The following ABTB2 variants were observed in gnomAD, a reference collection of about 807,000 sequenced individuals.
The protein encoded by ABTB2 is ankyrin repeat and BTB/POZ domain-containing protein 2.
ABTB2 carries 56 observed loss-of-function variants against 104.1 expected under a neutral mutation model. The observed-to-expected ratio is 0.54, with a 90% confidence interval of 0.43 to 0.67. The LOEUF (loss-of-function observed/expected upper bound fraction) is 0.67. ABTB2 is among the 30% of genes least tolerant of loss of function. The pLI, the probability that ABTB2 is intolerant of heterozygous loss-of-function variation, is 0.00. For synonymous variants in ABTB2, 606 were observed against 608.2 expected (o/e 1.00, Z 0.05); for missense variants, 1,279 against 1,407.7 (o/e 0.91, Z 1.46).
intron 1 of ABTB2, among the ~76,000 whole-genome samples, chr11:34,238,947 G>C (rs1853879631): frequency 6.6e-6 from 1 of 152,104 alleles, no homozygotes; most frequent in Non-Finnish European, 1.5e-5. Context: ...TAGAGACGGG[G>C]TTTCACCATG....
At chr11:34,170,592 C>T (rs1426873553) in intron 5 of ABTB2, among the ~76,000 whole-genome samples, 1 of 152,214 alleles carries the variant, frequency 6.6e-6, no homozygotes, top group Non-Finnish European at 1.5e-5. Context: ...ACAGGGTTAG[C>T]GATCGTGTCC....
intron 1 of ABTB2, among the ~76,000 whole-genome samples, chr11:34,339,970 G>A (rs1855242297): frequency 1.3e-5 from 2 of 152,012 alleles, no homozygotes; most frequent in South Asian, 4.1e-4. Context: ...TCACCATGTG[G>A]GGTACCAGAA....
chr11:34,221,246 T>A (rs112165702), intron 1 of ABTB2, among the ~76,000 whole-genome samples: 12 of 152,236 alleles, frequency 7.9e-5, no homozygotes, highest in African/African-American at 2.9e-4. Context: ...GCTGGGATTA[T>A]AGGCGTGAGC....
chr11:34,287,027 C>T (rs1854513775), intron 1 of ABTB2, among the ~76,000 whole-genome samples: 1 of 151,994 alleles, frequency 6.6e-6, no homozygotes, highest in Non-Finnish European at 1.5e-5. Context: ...GTGGTGGTTG[C>T]ACAAATGAAT....
chr11:34,243,628 A>G (rs1202630675), intron 1 of ABTB2, among the ~76,000 whole-genome samples: 7 of 152,254 alleles, frequency 4.6e-5, no homozygotes, highest in African/African-American at 2.4e-5. Context: ...TTTATTATCT[A>G]TCTGTGAAAA....
chr11:34,326,629 CAA>C (rs35018448), intron 1 of ABTB2, among the ~76,000 whole-genome samples: 20 of 102,302 alleles, frequency 2.0e-4, no homozygotes, highest in Admixed American at 2.9e-4. Flanking sequence ...GACCCTGTCT[CAA>C]AAAAAAAAAA....
At chr11:34,226,063 A>G (rs2133053499) in intron 1 of ABTB2, among the ~76,000 whole-genome samples, 1 of 151,492 alleles carries the variant, frequency 6.6e-6, no homozygotes, top group Admixed American at 6.6e-5. Context: ...AAATTAGCCG[A>G]GTGTTGCGTG....
At chr11:34,337,495 A>G (rs984789359) in intron 1 of ABTB2, among the ~76,000 whole-genome samples, 1 of 152,250 alleles carries the variant, frequency 6.6e-6, no homozygotes, top group Non-Finnish European at 1.5e-5. Context: ...ATTTGACCCA[A>G]TAGCCTAATG....
At position 34,180,282 on chromosome 11, in the gene ABTB2, G is replaced by A. The variant is rs114471898; in HGVS notation, c.1245-6975C>T. Among the ~76,000 whole-genome samples, 494 of 152,354 alleles carry A rather than the reference G, an allele frequency of 3.2e-3. 5 individuals carry two copies. Among genetic ancestry groups the A allele is most frequent in the African/African-American group, 0.011 (470 of 41,570 alleles). ...TGTGAGCTGGAAACTGTTTCTGGCA[G>A]TGCAGCCTCTTGGCCTTGGCAGTGA... On this transcript the variant is annotated intron_variant, in intron 3 of 16. Transcript: ENST00000435224.
intron 1 of ABTB2, among the ~76,000 whole-genome samples, chr11:34,213,259 C>T (rs1158230211): frequency 6.6e-6 from 1 of 152,206 alleles, no homozygotes; most frequent in African/African-American, 2.4e-5. Context: ...AGGTGGATCA[C>T]TTGAGGTCAG....
chr11:34,204,716 C>G (rs752607488), intron 1 of ABTB2, 26 bp from the exon 2 acceptor site: 53 of 1,602,366 alleles, frequency 3.3e-5, no homozygotes, highest in Admixed American at 1.2e-4. Flanking sequence ...GCAGACAGGT[C>G]ACACTTAGGA....
chr11:34,325,105 C>G (rs992027289), intron 1 of ABTB2, among the ~76,000 whole-genome samples: 8 of 152,142 alleles, frequency 5.3e-5, no homozygotes, highest in African/African-American at 1.9e-4. Context: ...CTGGACACTT[C>G]CCAGTTTTAA....
intron 16 of ABTB2, among the ~76,000 whole-genome samples, chr11:34,153,105 G>C (rs570892319): frequency 6.6e-6 from 1 of 152,326 alleles, no homozygotes; most frequent in East Asian, 1.9e-4. Flanking sequence ...CAACGTGACA[G>C]GATGGCTTGT....
chr11:34,290,899 C>G (rs1590243638), intron 1 of ABTB2, among the ~76,000 whole-genome samples: 1 of 152,278 alleles, frequency 6.6e-6, no homozygotes, highest in Non-Finnish European at 1.5e-5. Context: ...TAAATGGAAA[C>G]AGTTATAAAT....
At chr11:34,323,320 G>T (rs1433972984) in intron 1 of ABTB2, among the ~76,000 whole-genome samples, 1 of 152,206 alleles carries the variant, frequency 6.6e-6, no homozygotes, top group Non-Finnish European at 1.5e-5. Flanking sequence ...CAGATAGCAA[G>T]AGTCAAAACA....
At position 34,159,377 on chromosome 11, in the gene ABTB2, T is replaced by C. The variant is rs142703780; in HGVS notation, c.2616A>G (p.Thr872=). 43 of 1,613,430 alleles carry C rather than the reference T, an allele frequency of 2.7e-5. No homozygotes were observed. In the African/African-American group the frequency reaches 4.7e-4, roughly 18 times the overall value. ...LLVTASNRFK[T]LMTNKSEQDG... ...CCTGTTCTGATTTATTGGTCATTAG[T>C]GTCTTGAACCTGGAGCAAAGGAGAC... Residue 872 remains threonine, a synonymous_variant, in exon 14 of 17, where the codon ACA becomes ACG. Transcript: ENST00000435224.
chr11:34,315,128 A>G (rs1467767938), intron 1 of ABTB2, among the ~76,000 whole-genome samples: 1 of 152,272 alleles, frequency 6.6e-6, no homozygotes, highest in Non-Finnish European at 1.5e-5. Context: ...CCTTCTGGAC[A>G]GTGCATTTGC....
At position 34,159,973 on chromosome 11, in the gene ABTB2, C is replaced by T. The variant is rs1852685864; in HGVS notation, c.2539G>A (p.Val847Met). 1.2e-6 allele frequency: 2 copies of T among 1,613,768 alleles called. No homozygotes were observed. Among genetic ancestry groups the T allele is most frequent in the South Asian group, 2.2e-5 (2 of 91,076 alleles). ...AGCTTTCCTTCCACCAGGAAGGTCA[C>T]ATCTGACATCTCCTTATTGTTCAAA... The part of the protein sequence containing the change: ...HFLNNKEMSD[V>M]TFLVEGKLFY... The change falls in exon 13 of 17, where the codon GTG (valine) becomes ATG (methionine). Residue 847 changes from valine to methionine, a missense_variant. Val to Met is a conservative substitution (Grantham distance 21, BLOSUM62 1). Transcript: ENST00000435224.
intron 1 of ABTB2, among the ~76,000 whole-genome samples, chr11:34,238,149 A>G (rs1356746679): frequency 6.6e-6 from 1 of 152,170 alleles, no homozygotes; most frequent in Non-Finnish European, 1.5e-5. Flanking sequence ...GGCTACCCAC[A>G]CTAGCTGCCT....
Sources: allele counts gnomAD v4.1 joint callset (sites outside exome capture counted in the v4.1 genomes callset), GRCh38; gene constraint gnomAD v4.1.1; transcripts MANE v1.5; gene names NCBI Gene and HGNC (gene_info 2026-07-23, HGNC 2026-07-21).